The following POLE variants were observed in gnomAD, a reference collection of about 807,000 sequenced individuals.
POLE encodes DNA polymerase epsilon, catalytic subunit, also known as DNA polymerase epsilon catalytic subunit A.
POLE carries 188 observed loss-of-function variants against 279.2 expected under a neutral mutation model. The ratio of observed to expected loss-of-function variants is 0.67; its 90% CI spans 0.60 to 0.76. The LOEUF (loss-of-function observed/expected upper bound fraction) is 0.76, where lower values mean the gene tolerates loss of function less well. POLE is among the 30% of genes least tolerant of loss of function. POLE has a pLI of 0.00. For missense variants in POLE, 2,703 were observed against 3,016.7 expected (o/e 0.90, Z 2.44); for synonymous variants, 1,214 against 1,172.5 (o/e 1.04, Z -0.72).
rs981738528 is a variant in POLE, at chr12:132,661,937, G to A, written c.2707-253C>T. ...ATGCTTCCCTTTACATGACATTTTCGACAAAGCAAAATTATAGTACAAAAA... is the reference window on the plus strand; with the variant it reads ...ATGCTTCCCTTTACATGACATTTTCAACAAAGCAAAATTATAGTACAAAAA... On this transcript the variant is annotated intron_variant, in intron 23 of 48. Coordinates refer to ENST00000320574, the MANE Select transcript of POLE (RefSeq NM_006231.4). The surrounding 1 kb of genome is among the most constrained non-coding windows in gnomAD (Gnocchi z 4.1). Among the ~76,000 whole-genome samples, 2 of 152,164 alleles carry A rather than the reference G, an allele frequency of 1.3e-5. No homozygotes were observed. Among genetic ancestry groups the A allele is most frequent in the Non-Finnish European group, 2.9e-5 (2 of 68,030 alleles).
chr12:132,685,340 C>A (rs566777446), intron 1 of POLE, among the ~76,000 whole-genome samples: 4 of 152,094 alleles, frequency 2.6e-5, no homozygotes, highest in African/African-American at 9.7e-5. Flanking sequence ...CAGAGAGCTA[C>A]CATTGACTGG....
In POLE at chr12:132,648,966, C is replaced by T. The variant is rs535074635; in HGVS notation, c.4112G>A (p.Arg1371Gln). The change falls in exon 32 of 49, where the codon CGA becomes CAA. Residue 1371 changes from arginine to glutamine, a missense_variant. Coordinates refer to ENST00000320574, the MANE Select transcript of POLE (RefSeq NM_006231.4). ...SIPRVFYVNQRVAKAEEGASY... is the reference protein window; with the variant it reads ...SIPRVFYVNQQVAKAEEGASY... Reference sequence around the variant, plus strand: ...AGCACCCTCCTCCGCTTTAGCGACTCGCTGGTTCACGTAGAACACACGGGG... The same window carrying T: ...AGCACCCTCCTCCGCTTTAGCGACTTGCTGGTTCACGTAGAACACACGGGG... 1.4e-5 allele frequency: 22 copies of T among 1,614,020 alleles called. No individual in the cohort carries two copies. The highest frequency in any genetic ancestry group is 5.5e-5 in the South Asian group (5 of 91,080).
chr12:132,669,916 A>G (rs2042886899), intron 16 of POLE, among the ~76,000 whole-genome samples: 1 of 152,110 alleles, frequency 6.6e-6, no homozygotes, highest in African/African-American at 2.4e-5. Flanking sequence ...TAACAGGACA[A>G]TGTCATCTAC....
At position 132,673,290 on chromosome 12, in the gene POLE, C is replaced by A. The variant is rs149689764; in HGVS notation, c.1360-13G>T. ...ACGTGGCCAGAGTCTGAGGAGAGAA[C>A]GCCAGAGAGCAGGGCCATCAAAAAT... On this transcript the variant is annotated splice_polypyrimidine_tract_variant and intron_variant, in intron 13 of 48. Transcript: ENST00000320574. The A allele has an allele frequency of 1.3e-6, 2 of 1,542,256 alleles. No individual in the cohort carries two copies. The highest frequency in any genetic ancestry group is 1.8e-6 in the Non-Finnish European group (2 of 1,114,508).
At position 132,639,023 on chromosome 12, in the gene POLE, C is replaced by T; in HGVS notation, c.5552+102G>A. 1 of 979,774 alleles carries T rather than the reference C, an allele frequency of 1.0e-6. No individual in the cohort carries two copies. Among genetic ancestry groups the T allele is most frequent in the South Asian group, 1.5e-5 (1 of 68,626 alleles). The allele number at this position is 979,774 out of a possible 1,614,324, so 60.7% of individuals were successfully genotyped here. On this transcript the variant is annotated intron_variant, in intron 40 of 48. Transcript: ENST00000320574. The surrounding 1 kb of genome is among the most constrained non-coding windows in gnomAD (Gnocchi z 4.7). ...GCTCCACAAACTCAGAAATACACTA[C>T]TTATCCCAGAGGCACTGGCTGGCCA... is the stretch of plus-strand genomic sequence containing the variant.
chr12:132,676,733 T>C (rs2043064288), intron 8 of POLE, 80 bp from the exon 9 acceptor site: 1 of 826,060 alleles, frequency 1.2e-6, no homozygotes, highest in Non-Finnish European at 2.1e-6. Context: ...CAGCCTGCTC[T>C]ACCTCCCTCT....
At chr12:132,632,241 T>C in intron 45 of POLE, 74 bp downstream of exon 45, 1 of 1,227,796 alleles carries the variant, frequency 8.1e-7, no homozygotes, top group Admixed American at 1.9e-5. Flanking sequence ...CAGCCTCACC[T>C]TGCACACAGT....
intron 1 of POLE, among the ~76,000 whole-genome samples, chr12:132,681,920 C>T (rs1349818572): frequency 6.6e-6 from 1 of 152,244 alleles, no homozygotes; most frequent in African/African-American, 2.4e-5. Flanking sequence ...CACAGTGGCT[C>T]ACGCCTGTAA....
intron 40 of POLE, 139 bp downstream of exon 40, chr12:132,638,986 T>G (rs1024569516): frequency 2.7e-6 from 2 of 739,054 alleles, no homozygotes; most frequent in Non-Finnish European, 4.5e-6. Flanking sequence ...CTGGGATCCT[T>G]TGGATTGTTA....
rs756184675 is a variant in POLE at position 132,649,660 on chromosome 12, A to G, written c.3795+17T>C. The G allele has an allele frequency of 6.2e-7, 1 of 1,613,216 alleles. No homozygotes were observed. The highest frequency in any genetic ancestry group is 1.7e-5 in the Admixed American group (1 of 60,020). On this transcript the variant is annotated intron_variant, in intron 30 of 48. Coordinates refer to ENST00000320574, the MANE Select transcript of POLE (RefSeq NM_006231.4). ...AGACCCCTCAGAGACAGACAGTATC[A>G]CAGCTGTGTGCCTTACCTGGCTGGT...
At chr12:132,635,863 G>C (rs2138484024) in intron 42 of POLE, 29 bp downstream of exon 42, 1 of 1,590,568 alleles carries the variant, frequency 6.3e-7, no homozygotes, top group South Asian at 1.1e-5. Flanking sequence ...CCCAAAGCTG[G>C]CTCGGGTGCC....
chr12:132,642,842 T>C lies in POLE; in HGVS notation c.4706A>G (p.Gln1569Arg). 6.2e-7 allele frequency: 1 copy of C among 1,614,064 alleles called. No individual in the cohort carries two copies. The highest frequency in any genetic ancestry group is 8.5e-7 in the Non-Finnish European group (1 of 1,179,986). ...CACCTTGTAGGCGAGCAGGAATCGC[T>C]GGATGGCTCTGCAGATGGTCTTCAG... is the stretch of plus-strand genomic sequence containing the variant. ...TDLKTICRAI[Q>R]RFLLAYKEER... The change falls in exon 36 of 49, where the codon CAG becomes CGG. Residue 1569 changes from glutamine (Q) to arginine (R), a missense_variant. Around this residue, in one of 5 missense-constraint regions of POLE, gnomAD observed 1,551 missense variants for 1,686.1 expected, o/e 0.92. Transcript: ENST00000320574.
rs149061842 is a variant in POLE, at chr12:132,634,912, T to G, written c.5812-534A>C. The stretch of plus-strand genomic sequence containing the variant: ...ACCCTCCCACTTTGTTCTGAATCCC[T>G]TCAATCAGGGTTTATCCCCCAACTC... On this transcript the variant is annotated intron_variant, in intron 42 of 48. Transcript: ENST00000320574. This position sits in a 1 kb window ranked among gnomAD's most constrained non-coding sequence, Gnocchi z 4.0. 6.6e-6 allele frequency among the ~76,000 whole-genome samples: 1 copy of G among 152,164 alleles called. No individual in the cohort carries two copies. The highest frequency in any genetic ancestry group is 1.9e-4 in the East Asian group (1 of 5,194).
chr12:132,638,320 A>C (rs2042075337), intron 40 of POLE, 181 bp from the exon 41 acceptor site: 2 of 434,852 alleles, frequency 4.6e-6, no homozygotes, highest in Non-Finnish European at 7.8e-6. Flanking sequence ...TCCACCACAA[A>C]CAAAGGCAAA....
In POLE at chr12:132,657,442, G is replaced by A; in HGVS notation, c.3379-13C>T. ...CCCAATCCAGAATCTGCATGTGCAG[G>A]AAACGGGCACAGAGAACAGCAGGTG... On this transcript the variant is annotated splice_polypyrimidine_tract_variant and intron_variant, in intron 27 of 48. Coordinates refer to ENST00000320574, the MANE Select transcript of POLE (RefSeq NM_006231.4). 6.2e-7 allele frequency: 1 copy of A among 1,613,298 alleles called. No individual in the cohort carries two copies. Among genetic ancestry groups the A allele is most frequent in the Non-Finnish European group, 8.5e-7 (1 of 1,179,474 alleles).
chr12:132,664,559 G>C lies in POLE; in HGVS notation c.2469-97C>G. The C allele has an allele frequency of 1.1e-6, 1 of 898,612 alleles. No individual in the cohort carries two copies. The highest frequency in any genetic ancestry group is 1.8e-6 in the Non-Finnish European group (1 of 553,316). The allele number at this position is 898,612 out of a possible 1,614,324, so 55.7% of individuals were successfully genotyped here. On this transcript the variant is annotated intron_variant, in intron 21 of 48. Transcript: ENST00000320574. The surrounding 1 kb of genome is among the most constrained non-coding windows in gnomAD (Gnocchi z 5.3). ...GTAGGGAGGAGGAAAGGAGAGATGC[G>C]ACAGGGACAAGGGAAGCAGCCAAAT...
chr12:132,669,028 A>G (rs2042864769), intron 16 of POLE, 89 bp from the exon 17 acceptor site: 6 of 1,277,366 alleles, frequency 4.7e-6, no homozygotes, highest in Non-Finnish European at 5.4e-6. Flanking sequence ...TCAGGAGAGG[A>G]AAAAGCTGAA....
chr12:132,653,534 C>T (rs2042468200), intron 29 of POLE, among the ~76,000 whole-genome samples: 1 of 152,116 alleles, frequency 6.6e-6, no homozygotes, highest in Non-Finnish European at 1.5e-5. Flanking sequence ...TTATATCTTA[C>T]CTTGGTATCT....
At chr12:132,655,505 G>C (rs1394326667) in intron 29 of POLE, among the ~76,000 whole-genome samples, 3 of 152,148 alleles carry the variant, frequency 2.0e-5, no homozygotes, top group African/African-American at 7.2e-5. Context: ...CTAGTTAGTT[G>C]ATTGTGTCAT....
Sources: gnomAD v4.1 joint callset for allele counts (sites outside exome capture counted in the v4.1 genomes callset) on GRCh38, gnomAD v4.1.1 for gene constraint, gnomAD v4.1.1 regional missense constraint, Gnocchi (gnomAD v3.1) non-coding constraint, MANE v1.5 for transcripts, NCBI Gene and HGNC (gene_info 2026-07-23, HGNC 2026-07-21) for gene names.